Variants in INO80D observed in about 807,000 individuals in gnomAD.
INO80D encodes the protein INO80 complex subunit D.
INO80D carries 21 observed loss-of-function variants against 87.6 expected under a neutral mutation model. The observed-to-expected ratio is 0.24, with a 90% CI of 0.17 to 0.35. The LOEUF is 0.35. INO80D is among the 10% of genes least tolerant of loss of function. INO80D has a pLI of 1.00. For synonymous variants in INO80D, 440 were observed against 491.0 expected, an observed-to-expected ratio of 0.90 and a Z score of 1.37; for missense variants, 982 against 1,280.7, an observed-to-expected ratio of 0.77 and a Z score of 3.56.
chr2:206,020,539 G>A (rs1351053227), intron 6 of INO80D, among the ~76,000 whole-genome samples: 1 of 152,124 alleles, frequency 6.6e-6, no homozygotes, highest in East Asian at 1.9e-4. Context: ...ATCCTCCAAA[G>A]TGAACTCACT....
chr2:206,016,694 G>A (rs1335928183), intron 8 of INO80D, among the ~76,000 whole-genome samples: 1 of 152,178 alleles, frequency 6.6e-6, no homozygotes. Context: ...GTTGTGGGAG[G>A]GACCTGGTGG....
intron 5 of INO80D, among the ~76,000 whole-genome samples, chr2:206,028,870 T>C (rs762407742): frequency 1.8e-4 from 27 of 151,884 alleles, no homozygotes; most frequent in Non-Finnish European, 2.9e-4. Flanking sequence ...AATTCTACCA[T>C]GTATTTTTGT....
At position 206,004,935 on chromosome 2, in the gene INO80D, G is replaced by A; in HGVS notation, c.2517C>T (p.Tyr839=). The A allele has an allele frequency of 1.2e-6, 2 of 1,614,030 alleles. No individual in the cohort carries two copies. Among genetic ancestry groups the A allele is most frequent in the South Asian group, 2.2e-5 (2 of 91,086 alleles). The part of the protein sequence containing the change: ...HYDSEHVPSP[Y]SDHITSPHTT... ...TGTGGGGAGAGGTGATATGGTCACT[G>A]TAGGGAGACGGCACATGCTCACTAT... The change falls in exon 11 of 11, where the codon TAC becomes TAT. Residue 839 remains tyrosine, a synonymous_variant. Transcript: ENST00000403263. The surrounding 1 kb of genome is among the most constrained non-coding windows in gnomAD (Gnocchi z 4.9).
chr2:206,073,464 T>C (rs1175566299), intron 1 of INO80D, among the ~76,000 whole-genome samples: 2 of 152,188 alleles, frequency 1.3e-5, no homozygotes, highest in Non-Finnish European at 2.9e-5. Flanking sequence ...ATCAAATGTC[T>C]TTTAGACCCT....
intron 3 of INO80D, among the ~76,000 whole-genome samples, chr2:206,061,409 A>T (rs1310408374): frequency 6.6e-6 from 1 of 152,254 alleles, no homozygotes; most frequent in Non-Finnish European, 1.5e-5. Context: ...ACAAAATTTT[A>T]GAAATGTGTT....
At chr2:206,065,018 T>C (rs964200493) in intron 1 of INO80D, among the ~76,000 whole-genome samples, 11 of 152,024 alleles carry the variant, frequency 7.2e-5, no homozygotes, top group African/African-American at 2.7e-4. Context: ...AAACTGGATA[T>C]CCACATGCAG....
chr2:206,081,166 A>AT (rs1270049103), intron 1 of INO80D, among the ~76,000 whole-genome samples: 5 of 152,156 alleles, frequency 3.3e-5, no homozygotes, highest in African/African-American at 1.2e-4. Context: ...CACAGTCAGG[A>AT]TGCAAGGCCT....
intron 4 of INO80D, among the ~76,000 whole-genome samples, chr2:206,050,667 T>G (rs911432274): frequency 2.9e-4 from 43 of 147,422 alleles, no homozygotes; most frequent in Non-Finnish European, 4.5e-5. Flanking sequence ...GGCAAACATT[T>G]TTTAAAAATT....
intron 5 of INO80D, among the ~76,000 whole-genome samples, chr2:206,044,676 A>G (rs1274438061): frequency 6.6e-6 from 1 of 152,180 alleles, no homozygotes; most frequent in Non-Finnish European, 1.5e-5. Flanking sequence ...GCAAGAATAG[A>G]AGGCAGAATA....
intron 10 of INO80D, among the ~76,000 whole-genome samples, chr2:206,006,864 C>T (rs1313121336): frequency 6.6e-6 from 1 of 151,432 alleles, no homozygotes; most frequent in Non-Finnish European, 1.5e-5. Flanking sequence ...CTGGCCCACA[C>T]TGCGAAACCC....
intron 6 of INO80D, among the ~76,000 whole-genome samples, 158 bp from the exon 7 acceptor site, chr2:206,020,003 G>T (rs1688418119): frequency 6.6e-6 from 1 of 151,776 alleles, no homozygotes; most frequent in Non-Finnish European, 1.5e-5. Context: ...AAGAAAGACG[G>T]TATTACAATT....
chr2:206,056,758 C>A lies in INO80D; in HGVS notation c.404G>T (p.Gly135Val), dbSNP rs1276113990. Residue 135 changes from glycine to valine, a missense_variant, in exon 4 of 11, where the codon GGG (glycine) becomes GTG (valine). Coordinates refer to ENST00000403263, the MANE Select transcript of INO80D (RefSeq NM_017759.5). The part of the protein sequence containing the change: ...GLDGMSLSPP[G>V]ARVPLHYLET... ...CAGGTAGTGGAGAGGGACCCTTGCCCCAGGTGGAGAGAGGGACATTCCATC... is the reference window on the plus strand; with the variant it reads ...CAGGTAGTGGAGAGGGACCCTTGCCACAGGTGGAGAGAGGGACATTCCATC... The A allele has an allele frequency of 6.2e-7, 1 of 1,612,902 alleles. No homozygotes were observed. Among genetic ancestry groups the A allele is most frequent in the Admixed American group, 1.7e-5 (1 of 59,876 alleles).
Position 206,004,262 on chromosome 2 carries a change from C to A in INO80D, c.*106G>T. ...CTGGGAAGGGGGGTGCCCCTCTGAT[C>A]CCCATCTGTTATATCTTCTTTAGGA... On this transcript the variant is annotated 3_prime_UTR_variant, in exon 11 of 11. Transcript: ENST00000403263. The surrounding 1 kb of genome is among the most constrained non-coding windows in gnomAD (Gnocchi z 4.9). The A allele has an allele frequency of 9.3e-7, 1 of 1,069,586 alleles. No individual in the cohort carries two copies. The highest frequency in any genetic ancestry group is 1.6e-5 in the South Asian group (1 of 64,486). The allele number at this position is 1,069,586 out of a possible 1,614,324, so 66.3% of individuals were successfully genotyped here. A position where few individuals can be genotyped will look rare whatever the true frequency, so the allele number is the denominator to read the frequency against.
Position 205,996,422 on chromosome 2 carries a change from C to T in INO80D, c.*7946G>A, listed in dbSNP as rs1315448387. On this transcript the variant is annotated 3_prime_UTR_variant, in exon 11 of 11. Coordinates refer to ENST00000403263, the MANE Select transcript of INO80D (RefSeq NM_017759.5). The stretch of plus-strand genomic sequence containing the variant: ...GGCAAGTAAGAACTGTTCAGACAAG[C>T]ATTCATTGTGTAATATCCATAAACA... The T allele has an allele frequency of 2.6e-5, 4 of 151,160 alleles. No homozygotes were observed. The highest frequency in any genetic ancestry group is 7.3e-5 in the African/African-American group (3 of 41,150). The allele number at this position is 151,160 out of a possible 1,614,324, so 9.4% of individuals were successfully genotyped here.
rs1023438415 is a variant in INO80D, at chr2:205,997,764, CATAAG to C, written c.*6599_*6603del. 8 of 152,248 alleles carry C rather than the reference CATAAG, an allele frequency of 5.3e-5. No individual in the cohort carries two copies. Among genetic ancestry groups the C allele is most frequent in the East Asian group, 1.9e-4 (1 of 5,192 alleles). The allele number at this position is 152,248 out of a possible 1,614,324, so 9.4% of individuals were successfully genotyped here. A position where few individuals can be genotyped will look rare whatever the true frequency, so the allele number is the denominator to read the frequency against. ...CATGATATCAGAGCTAGCCTTTTAA[CATAAG>C]ATAACATAATGATTAATTTGGTGTA... is the stretch of plus-strand genomic sequence containing the variant. On this transcript the variant is annotated 3_prime_UTR_variant, in exon 11 of 11. Coordinates refer to ENST00000403263, the MANE Select transcript of INO80D (RefSeq NM_017759.5).
At chr2:206,069,394 A>G (rs962320015) in intron 1 of INO80D, among the ~76,000 whole-genome samples, 2 of 152,130 alleles carry the variant, frequency 1.3e-5, no homozygotes, top group African/African-American at 4.8e-5. Context: ...TAATCTGTTC[A>G]CGTTTTCAGC....
intron 1 of INO80D, among the ~76,000 whole-genome samples, chr2:206,080,357 T>A (rs1027453343): frequency 2.0e-5 from 3 of 151,850 alleles, no homozygotes; most frequent in African/African-American, 7.3e-5. Context: ...GAACGAGGAG[T>A]AAAGCAAACC....
At chr2:206,063,511 T>C (rs1440179015) in intron 1 of INO80D, 1 of 159,172 alleles carries the variant, frequency 6.3e-6, no homozygotes, top group Non-Finnish European at 1.4e-5. Context: ...CTGGCCAAAA[T>C]GGCGAAACCC....
chr2:206,020,628 T>C (rs1003977971), intron 6 of INO80D, among the ~76,000 whole-genome samples: 3 of 152,188 alleles, frequency 2.0e-5, no homozygotes, highest in African/African-American at 7.2e-5. Context: ...CTCCACTTTG[T>C]ACACTTAATG....
Sources: allele counts gnomAD v4.1 joint callset (sites outside exome capture counted in the v4.1 genomes callset), GRCh38; gene constraint gnomAD v4.1.1; non-coding constraint Gnocchi (gnomAD v3.1); transcripts MANE v1.5; gene names NCBI Gene and HGNC (gene_info 2026-07-23, HGNC 2026-07-21).